The following ERBIN variants were observed in gnomAD, a reference collection of about 807,000 sequenced individuals.
ERBIN encodes densin-180-like protein.
A neutral mutation model predicts 158.4 loss-of-function variants in ERBIN; 60 were observed. That is an observed-to-expected ratio of 0.38 (90% CI 0.31 to 0.47). ERBIN has a LOEUF of 0.47. Among genes scored for constraint, ERBIN ranks in the 20% least tolerant of loss-of-function variants. ERBIN has a pLI of 0.99. For synonymous variants in ERBIN, 594 were observed against 557.2 expected, an observed-to-expected ratio of 1.07 and a Z score of -0.93; for missense variants, 1,610 against 1,648.0, an observed-to-expected ratio of 0.98 and a Z score of 0.40.
Position 66,043,044 on chromosome 5 carries a change from TATA to T in ERBIN, c.1307-32_1307-30del, listed in dbSNP as rs1758071671. 3.4e-6 allele frequency: 5 copies of T among 1,477,896 alleles called. No homozygotes were observed. The South Asian group carries it at 5.9e-5, about 17-fold the overall frequency. 91.5% of individuals were successfully genotyped at this position (1,477,896 alleles called of 1,614,324 possible). A position where few individuals can be genotyped will look rare whatever the true frequency, so the allele number is the denominator to read the frequency against. On this transcript the variant is annotated intron_variant, in intron 15 of 25. Coordinates refer to ENST00000284037, the MANE Select transcript of ERBIN (RefSeq NM_001253697.2). ...ATAGTTTTCCATAATTACAGTAAAA[TATA>T]GTAGGTTTTTGTTTTTTACTTTTCT... is the stretch of plus-strand genomic sequence containing the variant.
intron 4 of ERBIN, among the ~76,000 whole-genome samples, chr5:66,001,845 G>A (rs909256524): frequency 2.6e-5 from 4 of 151,686 alleles, no homozygotes; most frequent in African/African-American, 7.3e-5. Context: ...TGTGCTGAAC[G>A]TGCAGGTTTA....
intron 1 of ERBIN, among the ~76,000 whole-genome samples, chr5:65,959,785 A>G (rs911047060): frequency 1.8e-4 from 27 of 152,180 alleles, no homozygotes; most frequent in Non-Finnish European, 7.4e-5. Context: ...TCCAACCCAT[A>G]CAAATAATTT....
chr5:66,072,089 A>G lies in ERBIN; in HGVS notation c.3634-80A>G, dbSNP rs144397945. On this transcript the variant is annotated intron_variant, in intron 21 of 25. Coordinates refer to ENST00000284037, the MANE Select transcript of ERBIN (RefSeq NM_001253697.2). Reference sequence around the variant, plus strand: ...GCACTATTTGGCAATATTTTTTCCTAATCTTCTCTCAAGTGTCATCCTCTT... The same window carrying G: ...GCACTATTTGGCAATATTTTTTCCTGATCTTCTCTCAAGTGTCATCCTCTT... The G allele has an allele frequency of 1.2e-3, 1,698 of 1,436,432 alleles. 25 individuals carry two copies. The African/African-American group carries it at 0.022, about 18-fold the overall frequency. The allele number at this position is 1,436,432 out of a possible 1,614,324, so 89.0% of individuals were successfully genotyped here. A position where few individuals can be genotyped will look rare whatever the true frequency, so the allele number is the denominator to read the frequency against.
Position 66,038,514 on chromosome 5 carries a change from A to G in ERBIN, c.1306+32A>G. 1.3e-6 allele frequency: 2 copies of G among 1,482,280 alleles called. 1 individual carries two copies. Among genetic ancestry groups the G allele is most frequent in the East Asian group, 4.6e-5 (2 of 43,556 alleles). 91.8% of individuals were successfully genotyped at this position (1,482,280 alleles called of 1,614,324 possible). On this transcript the variant is annotated intron_variant, in intron 15 of 25. Coordinates refer to ENST00000284037, the MANE Select transcript of ERBIN (RefSeq NM_001253697.2). ...ATTTCATAATCGATTTTCTTGTTAA[A>G]AACAAATACTAATTTAAAAGGTGTG...
intron 15 of ERBIN, among the ~76,000 whole-genome samples, chr5:66,041,778 G>T (rs965022090): frequency 1.3e-5 from 2 of 151,994 alleles, no homozygotes; most frequent in African/African-American, 4.8e-5. Context: ...AATAGACTTT[G>T]TTGGAAACTG....
chr5:65,967,995 G>A (rs552075031), intron 1 of ERBIN, among the ~76,000 whole-genome samples: 10 of 152,200 alleles, frequency 6.6e-5, no homozygotes, highest in Non-Finnish European at 1.3e-4. Flanking sequence ...AGCCTAAGTG[G>A]CAACTGTATT....
intron 21 of ERBIN, among the ~76,000 whole-genome samples, chr5:66,070,501 A>G (rs1403704627): frequency 2.0e-5 from 3 of 151,960 alleles, no homozygotes; most frequent in African/African-American, 4.8e-5. Flanking sequence ...ACATTCTTTT[A>G]TAGTAACATT....
At chr5:66,069,666 T>C (rs1422675646) in intron 21 of ERBIN, among the ~76,000 whole-genome samples, 2 of 152,136 alleles carry the variant, frequency 1.3e-5, no homozygotes, top group African/African-American at 2.4e-5. Context: ...TGTTTTAAGA[T>C]TTTTTTCCCA....
At position 65,965,382 on chromosome 5, in the gene ERBIN, G is replaced by GTTTTTTTTTTTT. The variant is rs200847060; in HGVS notation, c.-57-23223_-57-23212dup. ...GTTCTTACCAGATTTGTTTTTTGTT[G>GTTTTTTTTTTTT]TTTTTTTTTTTTTTTTTTTTTTTTT... On this transcript the variant is annotated intron_variant, in intron 1 of 25. Transcript: ENST00000284037. Among the ~76,000 whole-genome samples the GTTTTTTTTTTTT allele has an allele frequency of 4.5e-4, 43 of 96,050 alleles. 4 individuals are homozygous for GTTTTTTTTTTTT. The highest frequency in any genetic ancestry group is 7.1e-4 in the East Asian group (2 of 2,814). 63.0% of individuals were successfully genotyped at this position (96,050 alleles called of 152,430 possible). A position where few individuals can be genotyped will look rare whatever the true frequency, so the allele number is the denominator to read the frequency against.
chr5:65,986,527 G>T (rs937242055), intron 1 of ERBIN, among the ~76,000 whole-genome samples: 1 of 152,160 alleles, frequency 6.6e-6, no homozygotes, highest in African/African-American at 2.4e-5. Flanking sequence ...TTGGCATAGC[G>T]ACAAATAGTT....
At chr5:65,936,614 G>A (rs1022070442) in intron 1 of ERBIN, among the ~76,000 whole-genome samples, 2 of 152,098 alleles carry the variant, frequency 1.3e-5, no homozygotes, top group African/African-American at 2.4e-5. Flanking sequence ...AATTTCTGTC[G>A]ATTCTGTCTT....
intron 1 of ERBIN, among the ~76,000 whole-genome samples, chr5:65,980,321 A>C (rs1750513570): frequency 6.6e-6 from 1 of 152,230 alleles, no homozygotes. Context: ...CAAGCTACCC[A>C]GGAGGCTGAG....
At chr5:66,011,019 A>G (rs1754141189) in intron 4 of ERBIN, among the ~76,000 whole-genome samples, 1 of 152,208 alleles carries the variant, frequency 6.6e-6, no homozygotes, top group Admixed American at 6.5e-5. Flanking sequence ...AAAAACCATA[A>G]TCCTTTATCT....
chr5:66,064,098 C>T (rs536385979), intron 21 of ERBIN, among the ~76,000 whole-genome samples: 4 of 152,208 alleles, frequency 2.6e-5, no homozygotes, highest in African/African-American at 9.6e-5. Context: ...AAAATGTTTT[C>T]ATTTTGAAAG....
chr5:65,992,561 A>C, intron 2 of ERBIN, 149 bp from the exon 3 acceptor site: 1 of 536,030 alleles, frequency 1.9e-6, no homozygotes, highest in Non-Finnish European at 3.2e-6. Flanking sequence ...TGGGTATTAA[A>C]GCAATGTTAA....
chr5:66,072,409 T>TA lies in ERBIN; in HGVS notation c.3756+119dup, dbSNP rs527995975. On this transcript the variant is annotated intron_variant, in intron 22 of 25. Transcript: ENST00000284037. ...ACTTTTTTGAGGGCTTTCCCCCCTT[T>TA]ATTAGTAAGGATTTTTAAAATATCA... 4,348 of 991,982 alleles carry TA rather than the reference T, an allele frequency of 4.4e-3. 12 individuals carry two copies. The highest frequency in any genetic ancestry group is 5.0e-3 in the Non-Finnish European group (3,544 of 713,788). 61.4% of individuals were successfully genotyped at this position (991,982 alleles called of 1,614,324 possible). A position where few individuals can be genotyped will look rare whatever the true frequency, so the allele number is the denominator to read the frequency against.
At chr5:66,036,555 C>G (rs1366340626) in intron 14 of ERBIN, among the ~76,000 whole-genome samples, 1 of 151,654 alleles carries the variant, frequency 6.6e-6, no homozygotes, top group Non-Finnish European at 1.5e-5. Flanking sequence ...CCTGTATGTT[C>G]TTCTTGCACA....
chr5:65,981,686 G>A (rs1171902913), intron 1 of ERBIN, among the ~76,000 whole-genome samples: 1 of 151,868 alleles, frequency 6.6e-6, no homozygotes, highest in Non-Finnish European at 1.5e-5. Flanking sequence ...ATCTGTTTCT[G>A]TGTTAAGAAT....
chr5:66,046,269 A>G, intron 17 of ERBIN, 84 bp from the exon 18 acceptor site: 1 of 814,002 alleles, frequency 1.2e-6, no homozygotes, highest in Admixed American at 2.8e-5. Flanking sequence ...GAAGTTGGCA[A>G]ATTGCTTACA....
Sources: allele counts gnomAD v4.1 joint callset (sites outside exome capture counted in the v4.1 genomes callset), GRCh38; gene constraint gnomAD v4.1.1; transcripts MANE v1.5; gene names NCBI Gene and HGNC (gene_info 2026-07-23, HGNC 2026-07-21).